Variants in DEPTOR observed in about 807,000 individuals in gnomAD.
DEPTOR encodes DEP domain-containing mTOR-interacting protein.
DEPTOR carries 41 observed loss-of-function variants against 41.6 expected under a neutral mutation model. The ratio of observed to expected loss-of-function variants is 0.98; its 90% CI spans 0.77 to 1.28. DEPTOR has a LOEUF of 1.28. Among genes scored for constraint, DEPTOR ranks in the 50% most tolerant of loss-of-function variants. DEPTOR has a pLI of 0.00. For synonymous variants in DEPTOR, 195 were observed against 192.3 expected (o/e 1.01, Z -0.12); for missense variants, 514 against 527.9 (o/e 0.97, Z 0.26).
intron 4 of DEPTOR, among the ~76,000 whole-genome samples, chr8:119,977,709 T>C (rs1202227882): frequency 6.6e-6 from 1 of 152,236 alleles, no homozygotes; most frequent in African/African-American, 2.4e-5. Context: ...AATGTACCTA[T>C]AACGGCATCA....
chr8:119,960,229 A>C (rs1411430210), intron 3 of DEPTOR, among the ~76,000 whole-genome samples: 1 of 141,356 alleles, frequency 7.1e-6, no homozygotes, highest in Non-Finnish European at 1.6e-5. Flanking sequence ...CTCTCAAAAA[A>C]AAAAACAAAA....
intron 3 of DEPTOR, among the ~76,000 whole-genome samples, chr8:119,944,039 A>G (rs1828237751): frequency 6.6e-6 from 1 of 151,790 alleles, no homozygotes; most frequent in African/African-American, 2.4e-5. Flanking sequence ...ACAGGGTTTC[A>G]CCGTGTTAGC....
chr8:119,897,885 A>G (rs1409727988), intron 1 of DEPTOR, among the ~76,000 whole-genome samples: 3 of 152,202 alleles, frequency 2.0e-5, no homozygotes, highest in African/African-American at 7.2e-5. Flanking sequence ...CATGTAGGAA[A>G]CACTCATTGT....
At chr8:119,955,098 T>C (rs1467370200) in intron 3 of DEPTOR, among the ~76,000 whole-genome samples, 1 of 152,168 alleles carries the variant, frequency 6.6e-6, no homozygotes, top group Non-Finnish European at 1.5e-5. Context: ...CCTGAGGTGA[T>C]CTAACCACCT....
chr8:119,926,332 A>C (rs930737730), intron 1 of DEPTOR, among the ~76,000 whole-genome samples: 1 of 152,154 alleles, frequency 6.6e-6, no homozygotes, highest in African/African-American at 2.4e-5. Flanking sequence ...TAGAAGAGGA[A>C]GCCCTAAGGA....
At chr8:120,034,455 T>G in intron 8 of DEPTOR, among the ~76,000 whole-genome samples, 1 of 137,822 alleles carries the variant, frequency 7.3e-6, no homozygotes, top group Non-Finnish European at 1.6e-5. Flanking sequence ...TTTTTTTTTT[T>G]TTTTTTTTTT....
chr8:119,963,343 T>C (rs373640339), intron 3 of DEPTOR, among the ~76,000 whole-genome samples: 18 of 151,632 alleles, frequency 1.2e-4, no homozygotes, highest in African/African-American at 4.4e-4. Flanking sequence ...CCTTCTACTA[T>C]TGGGTTTTGT....
chr8:120,040,772 C>T (rs888569672), intron 8 of DEPTOR, among the ~76,000 whole-genome samples: 3 of 152,180 alleles, frequency 2.0e-5, no homozygotes, highest in Admixed American at 6.5e-5. Context: ...GGCTGGATAC[C>T]TAGTAGGGAC....
chr8:119,994,569 C>T (rs1029842341), intron 4 of DEPTOR, among the ~76,000 whole-genome samples: 3 of 152,074 alleles, frequency 2.0e-5, no homozygotes, highest in African/African-American at 7.2e-5. Context: ...TGATTTCATA[C>T]GTTTTTCATA....
chr8:119,898,312 C>T (rs542476361), intron 1 of DEPTOR, among the ~76,000 whole-genome samples: 10 of 152,186 alleles, frequency 6.6e-5, no homozygotes, highest in Non-Finnish European at 1.2e-4. Context: ...GGTTTCTATA[C>T]GGTTAAACTA....
intron 1 of DEPTOR, among the ~76,000 whole-genome samples, chr8:119,879,799 T>C (rs550004284): frequency 1.3e-5 from 2 of 151,310 alleles, no homozygotes; most frequent in African/African-American, 2.4e-5. Context: ...CACCTGAGGT[T>C]GGGAGTTCAA....
At chr8:120,033,618 T>A (rs969245764) in intron 8 of DEPTOR, among the ~76,000 whole-genome samples, 1 of 152,206 alleles carries the variant, frequency 6.6e-6, no homozygotes, top group Non-Finnish European at 1.5e-5. Context: ...TGCCAGAGGT[T>A]AGATGTTCTC....
chr8:119,989,831 T>C (rs78741695), intron 4 of DEPTOR, among the ~76,000 whole-genome samples: 1,825 of 152,320 alleles, frequency 0.012, 36 homozygotes, highest in African/African-American at 0.042. Context: ...TTGAACAGTA[T>C]CTTATACATA....
At chr8:119,972,786 T>C (rs1191852321) in intron 4 of DEPTOR, among the ~76,000 whole-genome samples, 9 of 152,080 alleles carry the variant, frequency 5.9e-5, no homozygotes, top group African/African-American at 1.9e-4. Flanking sequence ...ATTCTCAAGT[T>C]CTATTGCATC....
intron 8 of DEPTOR, among the ~76,000 whole-genome samples, chr8:120,033,245 G>A (rs1015160537): frequency 6.6e-6 from 1 of 151,858 alleles, no homozygotes; most frequent in Non-Finnish European, 1.5e-5. Flanking sequence ...GCACTACCAC[G>A]CTCAGCTAAT....
At chr8:120,030,777 A>G (rs905104426) in intron 8 of DEPTOR, among the ~76,000 whole-genome samples, 4 of 151,712 alleles carry the variant, frequency 2.6e-5, no homozygotes, top group Admixed American at 1.3e-4. Flanking sequence ...TACCGGTGTA[A>G]GCCGCCATGC....
chr8:119,956,691 C>CTTTT (rs758085640), intron 3 of DEPTOR, among the ~76,000 whole-genome samples: 1 of 97,532 alleles, frequency 1.0e-5, no homozygotes, highest in Non-Finnish European at 2.2e-5. Context: ...CACAGGTCTC[C>CTTTT]TTTTTTTTTT....
intron 4 of DEPTOR, among the ~76,000 whole-genome samples, chr8:119,991,046 C>CTTTCTTTCTTTA (rs1812154739): frequency 5.9e-5 from 1 of 17,084 alleles, no homozygotes; most frequent in African/African-American, 2.1e-4. Context: ...TTCTTTCTTT[C>CTTTCTTTCTTTA]TTTCTTTCTT....
At position 119,928,455 on chromosome 8, in the gene DEPTOR, T is replaced by C. The variant is rs758124947; in HGVS notation, c.178T>C (p.Tyr60His). The C allele has an allele frequency of 1.2e-6, 2 of 1,614,204 alleles. No individual in the cohort carries two copies. The highest frequency in any genetic ancestry group is 1.7e-5 in the Admixed American group (1 of 60,016). Reference protein sequence around the residue: ...IKDRRHHLKTYPNCFVAKELI... With the variant: ...IKDRRHHLKTHPNCFVAKELI... ...AGATAGACGTCATCATCTCAAGACC[T>C]ACCCAAACTGTTTTGTCGCAAAAGA... The change falls in exon 2 of 9, where the codon TAC (tyrosine) becomes CAC (histidine). Residue 60 changes from tyrosine to histidine, a missense_variant. Coordinates refer to ENST00000286234, the MANE Select transcript of DEPTOR (RefSeq NM_022783.4).
Sources: allele counts gnomAD v4.1 joint callset (sites outside exome capture counted in the v4.1 genomes callset), GRCh38; gene constraint gnomAD v4.1.1; transcripts MANE v1.5; gene names NCBI Gene and HGNC (gene_info 2026-07-23, HGNC 2026-07-21).